The following CACNA1A variants were observed in gnomAD, a reference collection of about 807,000 sequenced individuals.
CACNA1A encodes voltage-dependent P/Q-type calcium channel subunit alpha-1A.
CACNA1A carries 57 observed loss-of-function variants against 262.4 expected under a neutral mutation model. The ratio of observed to expected loss-of-function variants is 0.22; its 90% CI spans 0.18 to 0.27. The LOEUF is 0.27. Among genes scored for constraint, CACNA1A ranks in the 10% least tolerant of loss-of-function variants. The pLI is 1.00. For missense variants in CACNA1A, 2,526 were observed against 3,562.8 expected (o/e 0.71, Z 7.41); for synonymous variants, 1,431 against 1,419.3 (o/e 1.01, Z -0.18).
At chr19:13,417,705 C>A (rs779528006) in intron 3 of CACNA1A, among the ~76,000 whole-genome samples, 31 of 152,054 alleles carry the variant, frequency 2.0e-4, no homozygotes, top group Non-Finnish European at 3.2e-4. Context: ...GCCTGGCCCA[C>A]ATGGTGAAAC....
intron 5 of CACNA1A, among the ~76,000 whole-genome samples, chr19:13,361,636 C>CTGAA (rs954844724): frequency 7.2e-5 from 11 of 152,208 alleles, no homozygotes; most frequent in African/African-American, 2.4e-4. Flanking sequence ...TAAACCAATG[C>CTGAA]TGAATGAATG....
chr19:13,287,264 T>C (rs1373292836), intron 19 of CACNA1A, among the ~76,000 whole-genome samples: 2 of 151,920 alleles, frequency 1.3e-5, no homozygotes, highest in East Asian at 3.9e-4. Flanking sequence ...AGTGGGAGGA[T>C]TGCTTGAGCC....
At chr19:13,261,137 A>C in intron 26 of CACNA1A, 1 of 263,724 alleles carries the variant, frequency 3.8e-6, no homozygotes, top group Non-Finnish European at 7.2e-6. Flanking sequence ...AAATATTCTC[A>C]ACTTTGAAAC....
chr19:13,257,132 C>T lies in CACNA1A; in HGVS notation c.4590+218G>A, dbSNP rs369553324. ...TGAAATCTGGGGTTGCTTGTTACTG[C>T]GGCATAACCTAGTCTAAACTGACTG... On this transcript the variant is annotated intron_variant, in intron 28 of 46. Transcript: ENST00000360228. The T allele has an allele frequency of 2.4e-4, 90 of 375,804 alleles. No individual in the cohort carries two copies. In the South Asian group the frequency reaches 4.0e-3, roughly 17 times the overall value. The allele number at this position is 375,804 out of a possible 1,614,324, so 23.3% of individuals were successfully genotyped here.
At chr19:13,209,979 C>T (rs775632931) in intron 44 of CACNA1A, among the ~76,000 whole-genome samples, 71 of 152,126 alleles carry the variant, frequency 4.7e-4, no homozygotes, top group Middle Eastern at 3.4e-3. Context: ...ACCAGGTGCC[C>T]GGCATGGCAG....
At chr19:13,478,385 A>C (rs1307063935) in intron 1 of CACNA1A, among the ~76,000 whole-genome samples, 1 of 152,110 alleles carries the variant, frequency 6.6e-6, no homozygotes, top group Non-Finnish European at 1.5e-5. Context: ...GCAGGACGCG[A>C]TCACTCACTG....
intron 10 of CACNA1A, among the ~76,000 whole-genome samples, chr19:13,320,187 A>G (rs530114738): frequency 7.3e-5 from 11 of 151,694 alleles, no homozygotes; most frequent in Non-Finnish European, 1.5e-4. Context: ...CTTGGCCAAA[A>G]GAAATAAGAC....
intron 12 of CACNA1A, among the ~76,000 whole-genome samples, chr19:13,310,422 T>A (rs1326428015): frequency 8.6e-6 from 1 of 116,298 alleles, no homozygotes; most frequent in Non-Finnish European, 1.6e-5. Flanking sequence ...GCCACTGCAC[T>A]CCAGCCTGGG....
intron 38 of CACNA1A, among the ~76,000 whole-genome samples, chr19:13,216,230 TG>T (rs138069447): frequency 1.8e-3 from 274 of 152,256 alleles, no homozygotes; most frequent in African/African-American, 5.9e-3. Context: ...CCTGAGTACA[TG>T]GGGGGGTTCC....
intron 45 of CACNA1A, 57 bp downstream of exon 45, chr19:13,209,255 T>C: frequency 7.0e-7 from 1 of 1,430,022 alleles, no homozygotes; most frequent in Non-Finnish European, 9.2e-7. Context: ...CCCTGCCTTC[T>C]CCTCCCCTCT....
At chr19:13,402,135 A>G (rs1356426673) in intron 3 of CACNA1A, among the ~76,000 whole-genome samples, 1 of 152,192 alleles carries the variant, frequency 6.6e-6, no homozygotes, top group East Asian at 1.9e-4. Context: ...TCTCTTCAAC[A>G]TCTGACCAGC....
chr19:13,460,969 AT>A (rs1488132774), intron 1 of CACNA1A, among the ~76,000 whole-genome samples: 3 of 151,664 alleles, frequency 2.0e-5, no homozygotes, highest in African/African-American at 4.9e-5. Flanking sequence ...GCACGTGGGG[AT>A]TTTTTGTCTA....
chr19:13,476,760 C>T (rs2145061030), intron 1 of CACNA1A, among the ~76,000 whole-genome samples: 1 of 152,118 alleles, frequency 6.6e-6, no homozygotes, highest in Non-Finnish European at 1.5e-5. Context: ...AAATTATAAC[C>T]AGAATCCAGC....
At chr19:13,490,781 G>C (rs1207514906) in intron 1 of CACNA1A, among the ~76,000 whole-genome samples, 1 of 115,296 alleles carries the variant, frequency 8.7e-6, no homozygotes, top group African/African-American at 5.8e-5. Flanking sequence ...GGAAGGAAAG[G>C]AAAGAAAGGA....
Position 13,308,328 on chromosome 19 carries a change from G to A in CACNA1A, c.1782-77C>T, listed in dbSNP as rs2057950495. The A allele has an allele frequency of 6.4e-7, 1 of 1,564,174 alleles. No individual in the cohort carries two copies. On this transcript the variant is annotated intron_variant, in intron 13 of 46. Transcript: ENST00000360228. This position sits in a 1 kb window ranked among gnomAD's most constrained non-coding sequence, Gnocchi z 4.2. ...CCGGAGTCAGCCCTCGAAACACGAG[G>A]CTCACTTTCCCAACTTTCTGGAGGC...
chr19:13,208,998 C>T lies in CACNA1A; in HGVS notation c.6538G>A (p.Asp2180Asn), dbSNP rs775307298. The T allele has an allele frequency of 9.8e-6, 15 of 1,537,224 alleles. No individual in the cohort carries two copies. The highest frequency in any genetic ancestry group is 1.1e-5 in the Non-Finnish European group (13 of 1,146,900). Residue 2180 changes from aspartate (D) to asparagine (N), a missense_variant, in exon 46 of 47, where the codon GAC becomes AAC. Transcript: ENST00000360228. ...YTDVDTGLGT[D>N]LSMTTQSGDL... The stretch of plus-strand genomic sequence containing the variant: ...CCGGATTGGGTGGTCATGCTCAGGT[C>T]TGTCCCCAAGCCTGGGCCGGGTGAG...
At chr19:13,473,001 C>T (rs1978289133) in intron 1 of CACNA1A, among the ~76,000 whole-genome samples, 1 of 152,030 alleles carries the variant, frequency 6.6e-6, no homozygotes, top group South Asian at 2.1e-4. Context: ...ACCTGTAATC[C>T]CAGCACTTCG....
chr19:13,463,258 C>T (rs1480871760), intron 1 of CACNA1A, among the ~76,000 whole-genome samples: 1 of 152,146 alleles, frequency 6.6e-6, no homozygotes, highest in Non-Finnish European at 1.5e-5. Context: ...TTAGTAAAGG[C>T]CAACCATTGC....
At chr19:13,492,782 C>T (rs940308301) in intron 1 of CACNA1A, among the ~76,000 whole-genome samples, 1 of 152,144 alleles carries the variant, frequency 6.6e-6, no homozygotes, top group Non-Finnish European at 1.5e-5. Flanking sequence ...AACCTTGTCA[C>T]CTCCCTGCCC....
Sources: allele counts gnomAD v4.1 joint callset (sites outside exome capture counted in the v4.1 genomes callset), GRCh38; gene constraint gnomAD v4.1.1; non-coding constraint Gnocchi (gnomAD v3.1); transcripts MANE v1.5; gene names NCBI Gene and HGNC (gene_info 2026-07-23, HGNC 2026-07-21).